The following CUL3 variants were observed in gnomAD, a reference collection of about 807,000 sequenced individuals.
CUL3 encodes the protein cullin-3.
A neutral mutation model predicts 89.1 loss-of-function variants in CUL3; 19 were observed. The ratio of observed to expected loss-of-function variants is 0.21; its 90% CI spans 0.15 to 0.31. The LOEUF is 0.31. Ranked by LOEUF, CUL3 falls within the 10% of genes least tolerant of loss-of-function variation. The probability of loss-of-function intolerance (pLI) is 1.00; values close to 1 mark genes in which losing one functional copy is unlikely to be tolerated. For missense variants in CUL3, 469 were observed against 942.3 expected (o/e 0.50, Z 6.58); for synonymous variants, 351 against 308.4 (o/e 1.14, Z -1.45).
At chr2:224,479,895 G>C (rs1442466573) in intron 14 of CUL3, 1 of 152,160 alleles carries the variant, frequency 6.6e-6, no homozygotes, top group Admixed American at 6.5e-5. Flanking sequence ...ACCTAAATAA[G>C]TGTCTTCTTA....
chr2:224,481,395 C>T (rs1468795071), intron 14 of CUL3, among the ~76,000 whole-genome samples: 1 of 101,492 alleles, frequency 9.9e-6, no homozygotes, highest in Non-Finnish European at 1.9e-5. Flanking sequence ...ACTTATATGG[C>T]TCTATTAAAA....
Position 224,515,599 on chromosome 2 carries a change from A to G in CUL3, c.379-827T>C, listed in dbSNP as rs555913728. Among the ~76,000 whole-genome samples the G allele has an allele frequency of 6.2e-4, 94 of 152,352 alleles. 2 individuals are homozygous for G. Among genetic ancestry groups the G allele is most frequent in the African/African-American group, 2.1e-3 (88 of 41,588 alleles). ...CATATCTTTCACCAGATTCTTGAACATGAATCTACAGGTTATAGCTAACGA... is the reference window on the plus strand; with the variant it reads ...CATATCTTTCACCAGATTCTTGAACGTGAATCTACAGGTTATAGCTAACGA... On this transcript the variant is annotated intron_variant, in intron 3 of 15. Transcript: ENST00000264414.
chr2:224,474,039 T>C lies in CUL3; in HGVS notation c.*206A>G, dbSNP rs1458958073. ...CCCGAGGAACTGTAAAGATGATCTC[T>C]ACAGGGATAAACGTTGTAAAGCCTG... is the stretch of plus-strand genomic sequence containing the variant. On this transcript the variant is annotated 3_prime_UTR_variant, in exon 16 of 16. Transcript: ENST00000264414. 2.2e-6 allele frequency: 1 copy of C among 447,238 alleles called. No homozygotes were observed. The highest frequency in any genetic ancestry group is 3.3e-5 in the East Asian group (1 of 30,558). 27.7% of individuals were successfully genotyped at this position (447,238 alleles called of 1,614,324 possible).
chr2:224,520,541 C>T (rs1693223987), intron 3 of CUL3, among the ~76,000 whole-genome samples: 2 of 152,308 alleles, frequency 1.3e-5, no homozygotes, highest in Admixed American at 6.5e-5. Flanking sequence ...CTGCCAACAA[C>T]TATAAAGGCT....
At chr2:224,541,430 G>A (rs527554954) in intron 2 of CUL3, among the ~76,000 whole-genome samples, 1 of 152,312 alleles carries the variant, frequency 6.6e-6, no homozygotes, top group East Asian at 1.9e-4. Context: ...AAAAGATGCT[G>A]ACAGTATCAA....
intron 2 of CUL3, among the ~76,000 whole-genome samples, chr2:224,548,033 G>T (rs768836467): frequency 1.3e-5 from 2 of 152,066 alleles, no homozygotes; most frequent in Non-Finnish European, 2.9e-5. Flanking sequence ...TAAGACCCTA[G>T]GTACAAAAGA....
intron 3 of CUL3, among the ~76,000 whole-genome samples, chr2:224,516,252 A>C (rs1422098099): frequency 1.3e-5 from 2 of 151,436 alleles, no homozygotes; most frequent in African/African-American, 4.9e-5. Context: ...CTTGGACTTC[A>C]CACTTCCATC....
At chr2:224,516,540 C>T (rs993541192) in intron 3 of CUL3, among the ~76,000 whole-genome samples, 2 of 152,100 alleles carry the variant, frequency 1.3e-5, no homozygotes, top group African/African-American at 4.8e-5. Flanking sequence ...TGGTCTCGAT[C>T]TCTTGACCTT....
chr2:224,502,015 T>C (rs903547982), intron 10 of CUL3, among the ~76,000 whole-genome samples: 1 of 152,372 alleles, frequency 6.6e-6, no homozygotes, highest in Non-Finnish European at 1.5e-5. Flanking sequence ...ATTTCTGTCA[T>C]GGACTTGCAT....
chr2:224,506,042 A>G lies in CUL3; in HGVS notation c.1120T>C (p.Phe374Leu). 1 of 1,612,730 alleles carries G rather than the reference A, an allele frequency of 6.2e-7. No individual in the cohort carries two copies. The highest frequency in any genetic ancestry group is 1.1e-5 in the South Asian group (1 of 90,862). Reference sequence around the variant, plus strand: ...GAGTTGAGGTTGAGAAAATACTCAAAGTCACCCGCAATAGTTTGTTTAAAG... The same window carrying G: ...GAGTTGAGGTTGAGAAAATACTCAAGGTCACCCGCAATAGTTTGTTTAAAG... ...RLFKQTIAGD[F>L]EYFLNLNSRS... is the part of the protein sequence containing the mutation. The change falls in exon 8 of 16, where the codon TTT becomes CTT. Residue 374 changes from phenylalanine to leucine, a missense_variant. Physicochemically the swap from Phe to Leu is conservative, Grantham distance 22. This residue lies in a region of CUL3 where 370 missense variants were observed against 733.2 expected (regional missense o/e 0.50). Transcript: ENST00000264414.
At chr2:224,483,764 A>G (rs13006846) in intron 13 of CUL3, among the ~76,000 whole-genome samples, 28,116 of 152,142 alleles carry the variant, frequency 0.18, 2,948 homozygotes, top group South Asian at 0.27. Flanking sequence ...GTACTGTTCT[A>G]TCATGACACA....
intron 1 of CUL3, chr2:224,563,456 C>G (rs1194901810): frequency 4.0e-6 from 1 of 252,920 alleles, no homozygotes; most frequent in Non-Finnish European, 8.0e-6. Flanking sequence ...GTGTGCACTT[C>G]TTTTCTGGAG....
intron 1 of CUL3, chr2:224,569,923 A>G (rs2106320039): frequency 3.1e-6 from 1 of 323,870 alleles, no homozygotes; most frequent in East Asian, 1.7e-4. Flanking sequence ...TAAACAAGGG[A>G]AAATACTTGA....
chr2:224,510,693 T>C (rs989663173), intron 6 of CUL3, among the ~76,000 whole-genome samples: 12 of 152,210 alleles, frequency 7.9e-5, no homozygotes, highest in Non-Finnish European at 1.8e-4. Context: ...GTTATTGTTC[T>C]TTTAACTTGT....
At chr2:224,478,636 G>A in intron 14 of CUL3, 2 of 252,208 alleles carry the variant, frequency 7.9e-6, no homozygotes, top group Non-Finnish European at 1.5e-5. Flanking sequence ...ATATTCAGTA[G>A]TAAAATTACC....
intron 2 of CUL3, among the ~76,000 whole-genome samples, chr2:224,546,165 G>A (rs1177386574): frequency 1.3e-5 from 2 of 152,134 alleles, no homozygotes; most frequent in Admixed American, 6.6e-5. Context: ...TACATTAAAA[G>A]CTATTATTAT....
At chr2:224,551,564 A>G (rs902661351) in intron 2 of CUL3, among the ~76,000 whole-genome samples, 4 of 151,592 alleles carry the variant, frequency 2.6e-5, no homozygotes, top group Admixed American at 2.0e-4. Context: ...GCTGGTCTCA[A>G]AACTGCTGGC....
chr2:224,541,165 CAGAG>C (rs1289001960), intron 2 of CUL3, among the ~76,000 whole-genome samples: 1 of 149,352 alleles, frequency 6.7e-6, no homozygotes, highest in Non-Finnish European at 1.5e-5. Context: ...GAGACAGTAA[CAGAG>C]AGAAGCTACA....
At chr2:224,577,353 G>C (rs1249257800) in intron 1 of CUL3, among the ~76,000 whole-genome samples, 1 of 152,124 alleles carries the variant, frequency 6.6e-6, no homozygotes, top group Non-Finnish European at 1.5e-5. Flanking sequence ...CGGATCACGA[G>C]GTCAGGAGAT....
Sources: gnomAD v4.1 joint callset for allele counts (sites outside exome capture counted in the v4.1 genomes callset) on GRCh38, gnomAD v4.1.1 for gene constraint, gnomAD v4.1.1 regional missense constraint, MANE v1.5 for transcripts, NCBI Gene and HGNC (gene_info 2026-07-23, HGNC 2026-07-21) for gene names.